The following PRRX1 variants were observed in gnomAD, a reference collection of about 807,000 sequenced individuals.
PRRX1 encodes paired related homeobox 1.
Under a neutral mutation model 24.0 loss-of-function variants are expected in PRRX1, and 8 were observed. That is an observed-to-expected ratio of 0.33 (90% CI 0.20 to 0.60). PRRX1 has a LOEUF of 0.60. Among genes scored for constraint, PRRX1 ranks in the 20% least tolerant of loss-of-function variants. The pLI is 0.82. For missense variants in PRRX1, 281 were observed against 322.4 expected (o/e 0.87, Z 0.98); for synonymous variants, 160 against 131.7 (o/e 1.22, Z -1.47).
chr1:170,692,713 CCT>C (rs375918496), intron 1 of PRRX1, among the ~76,000 whole-genome samples: 11,589 of 138,676 alleles, frequency 0.084, 498 homozygotes, highest in Middle Eastern at 0.12. Context: ...ACTAACAAAT[CCT>C]CTCTCTCTCT....
intron 1 of PRRX1, among the ~76,000 whole-genome samples, chr1:170,683,785 G>A (rs987189846): frequency 4.6e-5 from 7 of 152,200 alleles, no homozygotes; most frequent in African/African-American, 1.7e-4. Flanking sequence ...GAAGACTTGT[G>A]TAACTGAAAT....
At chr1:170,698,670 A>T (rs562458069) in intron 1 of PRRX1, among the ~76,000 whole-genome samples, 1 of 152,324 alleles carries the variant, frequency 6.6e-6, no homozygotes, top group South Asian at 2.1e-4. Context: ...CACAGAACAC[A>T]TTCAGAGCAG....
At chr1:170,708,884 A>G (rs1336346978) in intron 1 of PRRX1, among the ~76,000 whole-genome samples, 1 of 152,200 alleles carries the variant, frequency 6.6e-6, no homozygotes, top group Non-Finnish European at 1.5e-5. Flanking sequence ...TTGTGTGTCA[A>G]GACCTTATTA....
chr1:170,710,764 GCT>G (rs777370856), intron 1 of PRRX1, among the ~76,000 whole-genome samples: 16 of 152,188 alleles, frequency 1.1e-4, no homozygotes, highest in African/African-American at 3.6e-4. Flanking sequence ...GCTCTCTTTT[GCT>G]CTCTCTGCCA....
chr1:170,689,766 A>G (rs915229253), intron 1 of PRRX1, among the ~76,000 whole-genome samples: 5 of 151,364 alleles, frequency 3.3e-5, no homozygotes, highest in Admixed American at 6.6e-5. Context: ...TTGGGTTGTC[A>G]TAAAGACCAA....
At chr1:170,712,796 G>A (rs368388194) in intron 1 of PRRX1, among the ~76,000 whole-genome samples, 178 of 152,252 alleles carry the variant, frequency 1.2e-3, no homozygotes, top group African/African-American at 4.1e-3. Flanking sequence ...TGAGAACAAA[G>A]GTTGTTCTTA....
upstream of PRRX1, chr1:170,664,042 C>T (rs1249124845): frequency 4.2e-5 from 23 of 547,838 alleles, no homozygotes; most frequent in African/African-American, 8.6e-4. Flanking sequence ...ACCCTCTTTT[C>T]CAATTTTTTT....
chr1:170,684,440 A>G (rs1214993941), intron 1 of PRRX1, among the ~76,000 whole-genome samples: 1 of 152,222 alleles, frequency 6.6e-6, no homozygotes, highest in Non-Finnish European at 1.5e-5. Flanking sequence ...CTATTTGTAT[A>G]GATACATCTT....
At position 170,726,176 on chromosome 1, in the gene PRRX1, T is replaced by C. The variant is rs750171961; in HGVS notation, c.418-44T>C. ...CATGTAACCCCTTCTTCTTTGTTTT[T>C]CCTCTCTTTCCTTATGCCTTCTTGC... On this transcript the variant is annotated intron_variant, in intron 2 of 3. Coordinates refer to ENST00000239461, the MANE Select transcript of PRRX1 (RefSeq NM_022716.4). 10 of 1,567,292 alleles carry C rather than the reference T, an allele frequency of 6.4e-6. No homozygotes were observed. In the East Asian group the frequency reaches 2.2e-4, roughly 35 times the overall value.
At chr1:170,678,842 T>A (rs1412798957) in intron 1 of PRRX1, among the ~76,000 whole-genome samples, 2 of 152,246 alleles carry the variant, frequency 1.3e-5, no homozygotes, top group African/African-American at 2.4e-5. Flanking sequence ...ACTCTAATCC[T>A]GCATATCTTC....
At chr1:170,705,530 G>A (rs115293947) in intron 1 of PRRX1, among the ~76,000 whole-genome samples, 214 of 152,140 alleles carry the variant, frequency 1.4e-3, no homozygotes, top group African/African-American at 4.9e-3. Flanking sequence ...TGATTTACCC[G>A]CCCTGGCATC....
intron 3 of PRRX1, chr1:170,727,979 G>A (rs1451803923): frequency 6.6e-6 from 1 of 152,158 alleles, no homozygotes; most frequent in Non-Finnish European, 1.5e-5. Context: ...GAAATTTGGT[G>A]TGTTCATGAA....
intron 1 of PRRX1, among the ~76,000 whole-genome samples, chr1:170,693,633 T>C (rs1204031486): frequency 1.3e-5 from 2 of 152,134 alleles, no homozygotes; most frequent in African/African-American, 2.4e-5. Flanking sequence ...AGCTAGACTC[T>C]TAAAAGAAAA....
intron 1 of PRRX1, among the ~76,000 whole-genome samples, chr1:170,701,748 CTTG>C (rs751921540): frequency 2.0e-5 from 3 of 151,992 alleles, no homozygotes; most frequent in Non-Finnish European, 4.4e-5. Context: ...TGTAATTGTA[CTTG>C]TTTATACAGT....
At chr1:170,703,048 C>T (rs1340719104) in intron 1 of PRRX1, among the ~76,000 whole-genome samples, 1 of 152,168 alleles carries the variant, frequency 6.6e-6, no homozygotes, top group Non-Finnish European at 1.5e-5. Flanking sequence ...TTGAAGAAAA[C>T]ATCTCTTATG....
At chr1:170,730,464 A>C in intron 3 of PRRX1, 3 of 817,858 alleles carry the variant, frequency 3.7e-6, no homozygotes, top group Non-Finnish European at 6.1e-6. Flanking sequence ...GAAGTCCTCA[A>C]GTGAGGAATA....
chr1:170,677,960 G>A lies in PRRX1; in HGVS notation c.241+13501G>A, dbSNP rs541955198. ...TGTTAAGGTTTCTTATTCCAGACCTGACATAGCTAGTAAATTTCTGGAGGC... is the reference window on the plus strand; with the variant it reads ...TGTTAAGGTTTCTTATTCCAGACCTAACATAGCTAGTAAATTTCTGGAGGC... On this transcript the variant is annotated intron_variant, in intron 1 of 3. Coordinates refer to ENST00000239461, the MANE Select transcript of PRRX1 (RefSeq NM_022716.4). Among the ~76,000 whole-genome samples the A allele has an allele frequency of 5.3e-5, 8 of 152,296 alleles. No individual in the cohort carries two copies. The East Asian group carries it at 1.5e-3, about 29-fold the overall frequency.
In PRRX1 at chr1:170,737,506, T is replaced by C. The variant is rs1655657515; in HGVS notation, c.*1320T>C. 1 of 207,048 alleles carries C rather than the reference T, an allele frequency of 4.8e-6. No homozygotes were observed. The highest frequency in any genetic ancestry group is 9.9e-6 in the Non-Finnish European group (1 of 101,408). 12.8% of individuals were successfully genotyped at this position (207,048 alleles called of 1,614,324 possible). ...AATTGCAGTTAGAGAGAGTAAGGAA[T>C]ACCATTTAGTCATCTATCCGTTCTT... On this transcript the variant is annotated 3_prime_UTR_variant, in exon 4 of 4. Transcript: ENST00000239461.
intron 1 of PRRX1, among the ~76,000 whole-genome samples, chr1:170,712,482 T>C (rs1226522353): frequency 6.6e-6 from 1 of 152,152 alleles, no homozygotes; most frequent in Non-Finnish European, 1.5e-5. Context: ...TATTTTGTGA[T>C]AGAAATCTTA....
Sources: gnomAD v4.1 joint callset for allele counts (sites outside exome capture counted in the v4.1 genomes callset) on GRCh38, gnomAD v4.1.1 for gene constraint, MANE v1.5 for transcripts, NCBI Gene and HGNC (gene_info 2026-07-23, HGNC 2026-07-21) for gene names.